The following STAU2 variants were observed in gnomAD, a reference collection of about 807,000 sequenced individuals.
The protein encoded by STAU2 is double-stranded RNA-binding protein Staufen homolog 2.
Under a neutral mutation model 65.9 loss-of-function variants are expected in STAU2, and 20 were observed. The ratio of observed to expected loss-of-function variants is 0.30; its 90% confidence interval spans 0.21 to 0.44. The LOEUF (loss-of-function observed/expected upper bound fraction) is 0.44. Among genes scored for constraint, STAU2 ranks in the 20% least tolerant of loss-of-function variants. The pLI is 1.00. For missense variants in STAU2, 558 were observed against 683.9 expected, an observed-to-expected ratio of 0.82 and a Z score of 2.05; for synonymous variants, 232 against 233.9, an observed-to-expected ratio of 0.99 and a Z score of 0.07.
chr8:73,618,078 CA>C (rs1812969922), intron 6 of STAU2, among the ~76,000 whole-genome samples: 1 of 151,868 alleles, frequency 6.6e-6, no homozygotes, highest in South Asian at 2.1e-4. Flanking sequence ...ACAAAAAAAC[CA>C]AAAGAAATTA....
rs535973422 is a variant in STAU2, at chr8:73,527,607, A to G, written c.1530+24405T>C. ...AATGTATTAAGGAAAGCAAAGCTGCATGTGCGCACATAGCTTCCATTTTGA... is the reference window on the plus strand; with the variant it reads ...AATGTATTAAGGAAAGCAAAGCTGCGTGTGCGCACATAGCTTCCATTTTGA... On this transcript the variant is annotated intron_variant, in intron 13 of 14. Transcript: ENST00000524300. 1.3e-5 allele frequency: 13 copies of G among 973,402 alleles called. No individual in the cohort carries two copies. The South Asian group carries it at 1.9e-4, about 14-fold the overall frequency. The allele number at this position is 973,402 out of a possible 1,614,324, so 60.3% of individuals were successfully genotyped here.
chr8:73,646,938 G>GACACACACACACACACACACACAC (rs142043134), intron 6 of STAU2, among the ~76,000 whole-genome samples: 1 of 143,968 alleles, frequency 6.9e-6, no homozygotes, highest in Non-Finnish European at 1.5e-5. Context: ...CACACAGCCA[G>GACACACACACACACACACACACAC]ACACACACAC....
At chr8:73,534,545 A>T (rs77432108) in intron 13 of STAU2, among the ~76,000 whole-genome samples, 16,746 of 152,286 alleles carry the variant, frequency 0.11, 1,229 homozygotes, top group Non-Finnish European at 0.17. Flanking sequence ...AAGTAAACAA[A>T]ATTAATTTAG....
chr8:73,679,842 C>CAACG (rs953913443), intron 5 of STAU2, among the ~76,000 whole-genome samples: 2 of 150,828 alleles, frequency 1.3e-5, no homozygotes, highest in African/African-American at 4.9e-5. Context: ...AAGCCAAGAT[C>CAACG]AACGCCACTG....
At chr8:73,637,215 G>T (rs1586168403) in intron 6 of STAU2, among the ~76,000 whole-genome samples, 1 of 150,346 alleles carries the variant, frequency 6.7e-6, no homozygotes. Context: ...GAAAAGGGGG[G>T]AACAGAAAAA....
intron 9 of STAU2, among the ~76,000 whole-genome samples, chr8:73,608,930 A>G (rs996412516): frequency 1.3e-5 from 2 of 152,164 alleles, no homozygotes; most frequent in Non-Finnish European, 2.9e-5. Context: ...GTGAGCCGAG[A>G]CAGTGCCATT....
chr8:73,686,238 C>A (rs1353253780), intron 5 of STAU2, among the ~76,000 whole-genome samples: 1 of 151,988 alleles, frequency 6.6e-6, no homozygotes, highest in Non-Finnish European at 1.5e-5. Flanking sequence ...CATGGTGAAA[C>A]CCTGTCTCTA....
Position 73,686,893 on chromosome 8 carries a change from CTT to C in STAU2, c.274+1759_274+1760del, listed in dbSNP as rs71768700. Reference sequence around the variant, plus strand: ...GCGGAATTTGTGATGGGGTTTCTTTCTTTTTTTTTTTTCTTTTGAGACAGAGT... The same window carrying C: ...GCGGAATTTGTGATGGGGTTTCTTTCTTTTTTTTTTCTTTTGAGACAGAGT... On this transcript the variant is annotated intron_variant, in intron 5 of 14. Coordinates refer to ENST00000524300, the MANE Select transcript of STAU2 (RefSeq NM_001164380.2). Among the ~76,000 whole-genome samples the C allele has an allele frequency of 7.6e-4, 109 of 143,146 alleles. 1 individual carries two copies. Among genetic ancestry groups the C allele is most frequent in the African/African-American group, 2.3e-3 (90 of 39,208 alleles). 93.9% of individuals were successfully genotyped at this position (143,146 alleles called of 152,430 possible).
chr8:73,429,933 G>C (rs186770992), intron 13 of STAU2, among the ~76,000 whole-genome samples: 104 of 152,306 alleles, frequency 6.8e-4, no homozygotes, highest in African/African-American at 2.5e-3. Context: ...GGAGCACACA[G>C]TGTCCCGTCA....
chr8:73,449,052 C>G lies in STAU2; in HGVS notation c.1531-26350G>C, dbSNP rs573622836. 3.4e-3 allele frequency among the ~76,000 whole-genome samples: 522 copies of G among 152,334 alleles called. 2 individuals are homozygous for G. The highest frequency in any genetic ancestry group is 5.0e-3 in the Non-Finnish European group (342 of 68,030). Reference sequence around the variant, plus strand: ...GGCCCCCGGCGCAGGAGCAAGGTGCCGGGAGAGGGCCGAGCTGGGTGAGAG... The same window carrying G: ...GGCCCCCGGCGCAGGAGCAAGGTGCGGGGAGAGGGCCGAGCTGGGTGAGAG... On this transcript the variant is annotated intron_variant, in intron 13 of 14. Transcript: ENST00000524300.
At chr8:73,505,708 T>A (rs1822021881) in intron 13 of STAU2, among the ~76,000 whole-genome samples, 1 of 152,160 alleles carries the variant, frequency 6.6e-6, no homozygotes, top group Non-Finnish European at 1.5e-5. Flanking sequence ...TCTTAACTGC[T>A]TTATTAAGGT....
At chr8:73,703,572 TG>T (rs1820276966) in intron 4 of STAU2, among the ~76,000 whole-genome samples, 2 of 152,302 alleles carry the variant, frequency 1.3e-5, no homozygotes, top group East Asian at 3.9e-4. Flanking sequence ...CATCAACAGA[TG>T]AATGTCCAAA....
chr8:73,710,843 A>C (rs1820841054), intron 3 of STAU2, among the ~76,000 whole-genome samples: 1 of 152,042 alleles, frequency 6.6e-6, no homozygotes, highest in African/African-American at 2.4e-5. Flanking sequence ...AGCCACAAGA[A>C]TACTTAAAAT....
intron 12 of STAU2, among the ~76,000 whole-genome samples, chr8:73,577,322 G>A (rs1809641123): frequency 6.6e-6 from 1 of 151,702 alleles, no homozygotes; most frequent in South Asian, 2.1e-4. Context: ...CAGCTACTGG[G>A]AAGGCTGAGG....
intron 1 of STAU2, among the ~76,000 whole-genome samples, chr8:73,745,482 A>C (rs185847312): frequency 2.6e-5 from 4 of 152,386 alleles, no homozygotes; most frequent in Admixed American, 2.0e-4. Context: ...CCTGTCCATC[A>C]CAATTTTGAT....
At chr8:73,622,132 T>A (rs1327676933) in intron 6 of STAU2, among the ~76,000 whole-genome samples, 1 of 55,848 alleles carries the variant, frequency 1.8e-5, no homozygotes, top group Non-Finnish European at 3.3e-5. Context: ...AATTTTTTTT[T>A]TTTTTTTTTT....
At chr8:73,545,469 G>C (rs758840637) in intron 13 of STAU2, among the ~76,000 whole-genome samples, 15 of 152,106 alleles carry the variant, frequency 9.9e-5, no homozygotes, top group Admixed American at 7.2e-4. Flanking sequence ...TAAGATGGCA[G>C]AACTTTCTAG....
intron 6 of STAU2, among the ~76,000 whole-genome samples, chr8:73,654,683 C>CTTTTTTTT (rs764223379): frequency 3.2e-5 from 2 of 62,950 alleles, no homozygotes; most frequent in East Asian, 5.2e-4. Context: ...ATTATCAAAC[C>CTTTTTTTT]TTTTTTTTTT....
intron 13 of STAU2, among the ~76,000 whole-genome samples, chr8:73,451,577 A>G (rs1382377336): frequency 6.6e-6 from 1 of 151,722 alleles, no homozygotes; most frequent in Non-Finnish European, 1.5e-5. Flanking sequence ...ACCCCCCGCA[A>G]CTAGATCAAA....
Sources: gnomAD v4.1 joint callset for allele counts (sites outside exome capture counted in the v4.1 genomes callset) on GRCh38, gnomAD v4.1.1 for gene constraint, MANE v1.5 for transcripts, NCBI Gene and HGNC (gene_info 2026-07-23, HGNC 2026-07-21) for gene names.